The following CDH18 variants were observed in gnomAD, a reference collection of about 807,000 sequenced individuals.
CDH18 encodes cadherin-18.
In CDH18, 31 loss-of-function variants were observed where a neutral mutation model predicts 67.9. That is an observed-to-expected ratio of 0.46 (90% confidence interval 0.34 to 0.62). The LOEUF (loss-of-function observed/expected upper bound fraction) is 0.62, where lower values mean the gene tolerates loss of function less well. CDH18 is among the 20% of genes least tolerant of loss of function. The pLI, the probability that CDH18 is intolerant of heterozygous loss-of-function variation, is 0.01. For missense variants in CDH18, 890 were observed against 975.5 expected (o/e 0.91, Z 1.17); for synonymous variants, 362 against 347.2 (o/e 1.04, Z -0.48).
At chr5:19,601,184 G>A (rs1016085474) in intron 6 of CDH18, among the ~76,000 whole-genome samples, 1 of 152,118 alleles carries the variant, frequency 6.6e-6, no homozygotes, top group African/African-American at 2.4e-5. Flanking sequence ...CCAGTTCCAA[G>A]ATCTGTTCTC....
intron 1 of CDH18, among the ~76,000 whole-genome samples, chr5:20,423,516 A>G (rs1748025133): frequency 6.6e-6 from 1 of 151,256 alleles, no homozygotes; most frequent in South Asian, 2.1e-4. Flanking sequence ...GCAAAATGCA[A>G]TACAGAAGAA....
At position 19,839,084 on chromosome 5, in the gene CDH18, A is replaced by T. The variant is rs936370867; in HGVS notation, c.-98T>A. The T allele has an allele frequency of 1.1e-6, 1 of 874,112 alleles. No homozygotes were observed. Among genetic ancestry groups the T allele is most frequent in the Non-Finnish European group, 1.9e-6 (1 of 537,082 alleles). 54.1% of individuals were successfully genotyped at this position (874,112 alleles called of 1,614,324 possible). ...GAGAGAAGCCAGAGCATCTTTAGGA[A>T]GGACAGTCCAAAGTAAATTGTTTAG... On this transcript the variant is annotated 5_prime_UTR_variant, in exon 3 of 13. Transcript: ENST00000382275.
intron 3 of CDH18, among the ~76,000 whole-genome samples, chr5:19,828,007 C>T (rs1289752690): frequency 6.6e-6 from 1 of 151,900 alleles, no homozygotes; most frequent in Non-Finnish European, 1.5e-5. Flanking sequence ...GAGAAAAGAT[C>T]CATATAAACA....
intron 2 of CDH18, among the ~76,000 whole-genome samples, chr5:19,909,766 G>A (rs905293709): frequency 6.6e-5 from 10 of 151,930 alleles, no homozygotes; most frequent in African/African-American, 2.4e-4. Flanking sequence ...TTTCCTTCAG[G>A]TTTGCAGGAA....
At position 20,212,671 on chromosome 5, in the gene CDH18, G is replaced by A. The variant is rs62353932; in HGVS notation, c.-518+42773C>T. ...TCAACCCACAAATTCATATCCGGCC[G>A]AACTAAGCTTCATAAGTGAAGGTTA... On this transcript the variant is annotated intron_variant, in intron 2 of 14. Transcript: ENST00000507958. 7.5e-3 allele frequency among the ~76,000 whole-genome samples: 1,130 copies of A among 150,952 alleles called. 11 individuals are homozygous for A. The highest frequency in any genetic ancestry group is 0.014 in the South Asian group (66 of 4,776).
At chr5:19,680,136 A>C (rs147905571) in intron 5 of CDH18, among the ~76,000 whole-genome samples, 6 of 152,044 alleles carry the variant, frequency 3.9e-5, no homozygotes, top group African/African-American at 1.4e-4. Flanking sequence ...ATGTACCGCC[A>C]TCTGATCTTT....
At chr5:19,941,956 G>A (rs1250906846) in intron 2 of CDH18, among the ~76,000 whole-genome samples, 1 of 152,054 alleles carries the variant, frequency 6.6e-6, no homozygotes, top group Admixed American at 6.6e-5. Context: ...TCATTTCATT[G>A]CACACTACTG....
chr5:20,514,303 G>A (rs1248586641), intron 1 of CDH18, among the ~76,000 whole-genome samples: 2 of 152,086 alleles, frequency 1.3e-5, no homozygotes, highest in African/African-American at 4.8e-5. Flanking sequence ...CTGGAGGTAA[G>A]CGGTGTGTAC....
At chr5:20,203,293 G>C (rs1739595111) in intron 2 of CDH18, among the ~76,000 whole-genome samples, 1 of 152,140 alleles carries the variant, frequency 6.6e-6, no homozygotes, top group South Asian at 2.1e-4. Context: ...AGACCAGGGG[G>C]TCAATGGGTC....
At chr5:19,831,382 A>G (rs1781009138) in intron 3 of CDH18, among the ~76,000 whole-genome samples, 1 of 152,076 alleles carries the variant, frequency 6.6e-6, no homozygotes, top group Admixed American at 6.6e-5. Flanking sequence ...ACAAAGGTAT[A>G]ATATCTAGAA....
intron 1 of CDH18, among the ~76,000 whole-genome samples, chr5:20,504,362 G>A (rs1158087406): frequency 2.0e-5 from 3 of 152,062 alleles, no homozygotes; most frequent in Non-Finnish European, 4.4e-5. Context: ...TGCTTTAATG[G>A]TATTCCATAA....
In CDH18 at chr5:20,560,468, TACACACACACAC is replaced by T. The variant is rs547246325; in HGVS notation, c.-580+14982_-580+14993del. 3.5e-3 allele frequency among the ~76,000 whole-genome samples: 450 copies of T among 127,696 alleles called. 7 individuals carry two copies. The highest frequency in any genetic ancestry group is 6.7e-3 in the Admixed American group (83 of 12,410). 83.8% of individuals were successfully genotyped at this position (127,696 alleles called of 152,430 possible). ...CCACTGCCCTGGCCCCCAACACTCA[TACACACACACAC>T]ACACACACACACACACACACACACA... On this transcript the variant is annotated intron_variant, in intron 1 of 14. Coordinates refer to the CDH18 transcript ENST00000507958.
At chr5:20,153,751 C>T (rs2126581019) in intron 2 of CDH18, among the ~76,000 whole-genome samples, 1 of 152,238 alleles carries the variant, frequency 6.6e-6, no homozygotes, top group African/African-American at 2.4e-5. Flanking sequence ...AAGAGAGACA[C>T]ATCCCTGCTA....
At chr5:20,387,477 T>C (rs900306006) in intron 1 of CDH18, among the ~76,000 whole-genome samples, 3 of 152,198 alleles carry the variant, frequency 2.0e-5, no homozygotes, top group African/African-American at 7.2e-5. Flanking sequence ...GCTGAGACGA[T>C]GGGGTTTTCT....
At chr5:20,306,303 C>G (rs1191874098) in intron 1 of CDH18, among the ~76,000 whole-genome samples, 1 of 151,900 alleles carries the variant, frequency 6.6e-6, no homozygotes, top group Non-Finnish European at 1.5e-5. Context: ...AGGTTTTTTT[C>G]ATATTTCCAA....
intron 2 of CDH18, among the ~76,000 whole-genome samples, chr5:20,244,733 C>T (rs759094536): frequency 3.5e-4 from 53 of 152,082 alleles, no homozygotes; most frequent in Non-Finnish European, 7.1e-4. Context: ...TGTGATTTGA[C>T]AAAATGTATT....
chr5:19,480,489 T>G (rs1170104073), intron 12 of CDH18, among the ~76,000 whole-genome samples: 6 of 151,642 alleles, frequency 4.0e-5, no homozygotes, highest in Non-Finnish European at 5.9e-5. Context: ...GCCATTCTCC[T>G]GCCTCAGCCT....
In CDH18 at chr5:20,322,067, A is replaced by G. The variant is rs576498876; in HGVS notation, c.-579-66562T>C. ...GCTTTAATTAGAAAAAAAAGCCTGC[A>G]GGAAAAGTCTCATGGCACAACAACA... On this transcript the variant is annotated intron_variant, in intron 1 of 14. Coordinates refer to the CDH18 transcript ENST00000507958. 3.3e-5 allele frequency among the ~76,000 whole-genome samples: 5 copies of G among 152,310 alleles called. No homozygotes were observed. In the South Asian group the frequency reaches 1.0e-3, roughly 32 times the overall value.
In CDH18 at chr5:20,172,190, GTATATATATATA is replaced by G. The variant is rs70954640; in HGVS notation, c.-518+83242_-518+83253del. ...AACTTTGATATCAATAGCATTGTGT[GTATATATATATA>G]TATATATATATATATATATATGTAT... On this transcript the variant is annotated intron_variant, in intron 2 of 14. Coordinates refer to the CDH18 transcript ENST00000507958. Among the ~76,000 whole-genome samples, 8 of 23,330 alleles carry G rather than the reference GTATATATATATA, an allele frequency of 3.4e-4. 1 individual carries two copies. In the Admixed American group the frequency reaches 4.1e-3, roughly 12 times the overall value. 15.3% of individuals were successfully genotyped at this position (23,330 alleles called of 152,430 possible).
Sources: allele counts gnomAD v4.1 joint callset (sites outside exome capture counted in the v4.1 genomes callset), GRCh38; gene constraint gnomAD v4.1.1; transcripts MANE v1.5; gene names NCBI Gene and HGNC (gene_info 2026-07-23, HGNC 2026-07-21).